Variants in IGSF21 observed in about 807,000 individuals in gnomAD.
IGSF21 encodes the protein immunoglobin superfamily member 21.
In IGSF21, 28 loss-of-function variants were observed where a neutral mutation model predicts 46.8. The observed-to-expected ratio is 0.60, with a 90% CI of 0.44 to 0.82. The LOEUF (loss-of-function observed/expected upper bound fraction) is 0.82, where lower values mean the gene tolerates loss of function less well. IGSF21 is among the 40% of genes least tolerant of loss of function. The pLI is 0.00. For missense variants in IGSF21, 624 were observed against 665.5 expected (o/e 0.94, Z 0.69); for synonymous variants, 284 against 273.6 (o/e 1.04, Z -0.38).
intron 3 of IGSF21, among the ~76,000 whole-genome samples, chr1:18,332,755 C>T (rs985108564): frequency 1.3e-5 from 2 of 152,124 alleles, no homozygotes; most frequent in Non-Finnish European, 2.9e-5. Flanking sequence ...CCATGACAGT[C>T]GGTAGACCAG....
At chr1:18,246,749 TCCACA>T (rs1295090895) in intron 2 of IGSF21, among the ~76,000 whole-genome samples, 1 of 152,184 alleles carries the variant, frequency 6.6e-6, no homozygotes, top group Non-Finnish European at 1.5e-5. Context: ...AGCTGCCCTG[TCCACA>T]CCAACAACAG....
chr1:18,318,481 T>TGC (rs1262320395), intron 3 of IGSF21, among the ~76,000 whole-genome samples: 1 of 149,102 alleles, frequency 6.7e-6, no homozygotes, highest in Non-Finnish European at 1.5e-5. Flanking sequence ...TGTGTGTGTG[T>TGC]GTGTGTGTGC....
chr1:18,268,795 G>GAGCT (rs1248719024), intron 2 of IGSF21, among the ~76,000 whole-genome samples: 4 of 152,194 alleles, frequency 2.6e-5, no homozygotes, highest in Admixed American at 2.0e-4. Flanking sequence ...AAAGGGCTGA[G>GAGCT]AGCTGTCCCA....
intron 2 of IGSF21, among the ~76,000 whole-genome samples, chr1:18,232,610 G>A (rs2084638997): frequency 6.6e-6 from 1 of 152,144 alleles, no homozygotes; most frequent in African/African-American, 2.4e-5. Flanking sequence ...AAAGCTGTAG[G>A]CACACCCTCC....
intron 2 of IGSF21, among the ~76,000 whole-genome samples, chr1:18,266,115 G>T (rs1414925451): frequency 6.6e-6 from 1 of 152,146 alleles, no homozygotes; most frequent in Non-Finnish European, 1.5e-5. Context: ...AATATTGATT[G>T]ATCACTTTCC....
chr1:18,358,884 C>T (rs1003314524), intron 4 of IGSF21, among the ~76,000 whole-genome samples: 3 of 152,160 alleles, frequency 2.0e-5, no homozygotes, highest in Non-Finnish European at 2.9e-5. Context: ...TGTACTACCT[C>T]CCTTATTTAT....
intron 5 of IGSF21, among the ~76,000 whole-genome samples, chr1:18,364,533 C>T (rs527361240): frequency 8.6e-5 from 13 of 151,172 alleles, no homozygotes; most frequent in Middle Eastern, 3.2e-3. Context: ...ATTAAAAATA[C>T]ATCCAATCCC....
chr1:18,189,560 C>T (rs577536593), intron 1 of IGSF21, among the ~76,000 whole-genome samples: 1 of 151,798 alleles, frequency 6.6e-6, no homozygotes, highest in Non-Finnish European at 1.5e-5. Context: ...AGTGGGAGCC[C>T]TGAGCTTGAT....
intron 4 of IGSF21, among the ~76,000 whole-genome samples, chr1:18,350,886 CGGTGGG>C (rs1438980588): frequency 4.6e-5 from 7 of 152,138 alleles, no homozygotes; most frequent in African/African-American, 1.7e-4. Context: ...GCCAGGAGTG[CGGTGGG>C]GGGTAGGGGC....
rs1193868395 is a variant in IGSF21, at chr1:18,359,470, A to G, written c.425-2645A>G. Among the ~76,000 whole-genome samples the G allele has an allele frequency of 5.2e-4, 14 of 26,680 alleles. 1 individual carries two copies. Among genetic ancestry groups the G allele is most frequent in the African/African-American group, 1.5e-3 (14 of 9,288 alleles). 17.5% of individuals were successfully genotyped at this position (26,680 alleles called of 152,430 possible). A position where few individuals can be genotyped will look rare whatever the true frequency, so the allele number is the denominator to read the frequency against. ...AGAAAGAAAGAAAGAAAGGGAAGGA[A>G]GGAAGGAAGGAAGGAAGGAAGGAAG... On this transcript the variant is annotated intron_variant, in intron 4 of 9. Coordinates refer to ENST00000251296, the MANE Select transcript of IGSF21 (RefSeq NM_032880.5).
chr1:18,133,735 C>G (rs74486991), intron 1 of IGSF21, among the ~76,000 whole-genome samples: 3 of 152,244 alleles, frequency 2.0e-5, no homozygotes, highest in African/African-American at 7.2e-5. Flanking sequence ...CGTCCTCAGG[C>G]CAAATCCTTC....
At chr1:18,359,417 A>AT (rs1403047796) in intron 4 of IGSF21, among the ~76,000 whole-genome samples, 1 of 148,186 alleles carries the variant, frequency 6.7e-6, no homozygotes, top group African/African-American at 2.5e-5. Flanking sequence ...GAAGGAAGGA[A>AT]GGAAGGAAGG....
chr1:18,113,827 G>C (rs1196642487), intron 1 of IGSF21: 1 of 152,116 alleles, frequency 6.6e-6, no homozygotes, highest in Non-Finnish European at 1.5e-5. Flanking sequence ...AGTGTACTGA[G>C]AGGGTGGAAT....
Position 18,361,919 on chromosome 1 carries a change from G to C in IGSF21, c.425-196G>C, listed in dbSNP as rs143904867. The C allele has an allele frequency of 4.7e-5, 27 of 576,446 alleles. No individual in the cohort carries two copies. In the East Asian group the frequency reaches 7.7e-4, roughly 16 times the overall value. The allele number at this position is 576,446 out of a possible 1,614,324, so 35.7% of individuals were successfully genotyped here. A position where few individuals can be genotyped will look rare whatever the true frequency, so the allele number is the denominator to read the frequency against. The stretch of plus-strand genomic sequence containing the variant: ...TAAACTGTAAGCTCCAGGAGGGGAG[G>C]GCTCTTGTCTATATTCCCAGCAAGG... On this transcript the variant is annotated intron_variant, in intron 4 of 9. Transcript: ENST00000251296.
At chr1:18,150,533 T>TC (rs1281224284) in intron 1 of IGSF21, among the ~76,000 whole-genome samples, 2 of 152,136 alleles carry the variant, frequency 1.3e-5, no homozygotes, top group East Asian at 3.9e-4. Context: ...GGTGTTTGAG[T>TC]CAGTGTGGTC....
In IGSF21 at chr1:18,172,524, T is replaced by C. The variant is rs539151738; in HGVS notation, c.71-55374T>C. On this transcript the variant is annotated intron_variant, in intron 1 of 9. Transcript: ENST00000251296. The stretch of plus-strand genomic sequence containing the variant: ...TGGGGAGGGCTCTCCTCCTGACTTG[T>C]AGATGGCCGCCTTCTCACTGGGACT... 4.6e-5 allele frequency among the ~76,000 whole-genome samples: 7 copies of C among 152,312 alleles called. No homozygotes were observed. The South Asian group carries it at 6.2e-4, about 14-fold the overall frequency.
intron 1 of IGSF21, among the ~76,000 whole-genome samples, chr1:18,221,699 C>T (rs1407244301): frequency 2.0e-5 from 3 of 152,160 alleles, no homozygotes; most frequent in Non-Finnish European, 4.4e-5. Context: ...GGATCCGTCT[C>T]CACTCCTGAT....
At chr1:18,364,173 C>A (rs977403286) in intron 5 of IGSF21, among the ~76,000 whole-genome samples, 4 of 152,090 alleles carry the variant, frequency 2.6e-5, no homozygotes, top group African/African-American at 9.7e-5. Flanking sequence ...CTCATCTCCC[C>A]AAATCCCAGG....
intron 1 of IGSF21, among the ~76,000 whole-genome samples, chr1:18,217,563 A>T (rs999165304): frequency 2.0e-5 from 3 of 152,162 alleles, no homozygotes; most frequent in Admixed American, 1.3e-4. Flanking sequence ...GAACTTGAAA[A>T]TGGCCTCAGC....
Sources: allele counts gnomAD v4.1 joint callset (sites outside exome capture counted in the v4.1 genomes callset), GRCh38; gene constraint gnomAD v4.1.1; transcripts MANE v1.5; gene names NCBI Gene and HGNC (gene_info 2026-07-23, HGNC 2026-07-21).